The following BCHE variants were observed in gnomAD, a reference collection of about 807,000 sequenced individuals.
BCHE encodes the protein butyrylcholinesterase, also known as cholinesterase.
BCHE carries 48 observed loss-of-function variants against 51.3 expected under a neutral mutation model. The ratio of observed to expected loss-of-function variants is 0.94; its 90% CI spans 0.74 to 1.19. The LOEUF is 1.19. Among genes scored for constraint, BCHE ranks in the 50% most tolerant of loss-of-function variants. The pLI is 0.00. For missense variants in BCHE, 847 were observed against 708.2 expected (o/e 1.20, Z -2.23); for synonymous variants, 251 against 238.0 (o/e 1.05, Z -0.50).
chr3:165,795,524 A>G (rs1261448468), intron 2 of BCHE, among the ~76,000 whole-genome samples: 1 of 152,180 alleles, frequency 6.6e-6, no homozygotes, highest in Non-Finnish European at 1.5e-5. Context: ...ATTATATTTA[A>G]TGCAAATATC....
intron 1 of BCHE, among the ~76,000 whole-genome samples, chr3:165,832,381 C>G (rs573517702): frequency 1.7e-4 from 26 of 150,878 alleles, no homozygotes; most frequent in African/African-American, 6.1e-4. Context: ...CAACCTCTGC[C>G]TCCTGGGCTC....
chr3:165,814,473 A>T (rs1714228264), intron 2 of BCHE, among the ~76,000 whole-genome samples: 1 of 152,096 alleles, frequency 6.6e-6, no homozygotes, highest in South Asian at 2.1e-4. Context: ...TGCTCTTATG[A>T]TGTTAATCCT....
At position 165,788,556 on chromosome 3, in the gene BCHE, T is replaced by G. The variant is rs1713047390; in HGVS notation, c.1518-2245A>C. ...AGCTGTAGAAACTAACAAGTACAGC[T>G]GCTGGAGGCTGGATATTAAACCAGG... On this transcript the variant is annotated intron_variant, in intron 2 of 3. Transcript: ENST00000264381. Among the ~76,000 whole-genome samples, 3 of 152,248 alleles carry G rather than the reference T, an allele frequency of 2.0e-5. No homozygotes were observed. The South Asian group carries it at 6.2e-4, about 32-fold the overall frequency.
chr3:165,800,271 T>G lies in BCHE; in HGVS notation c.1518-13960A>C, dbSNP rs573490808. On this transcript the variant is annotated intron_variant, in intron 2 of 3. Coordinates refer to ENST00000264381, the MANE Select transcript of BCHE (RefSeq NM_000055.4). ...TGCACAAAGCTATTCTAACTTCTGTTTTTTCACTTTTAATAATGGAATATG... is the reference window on the plus strand; with the variant it reads ...TGCACAAAGCTATTCTAACTTCTGTGTTTTCACTTTTAATAATGGAATATG... 2.0e-5 allele frequency among the ~76,000 whole-genome samples: 3 copies of G among 152,234 alleles called. No individual in the cohort carries two copies. In the South Asian group the frequency reaches 6.2e-4, roughly 32 times the overall value.
chr3:165,831,405 T>G (rs1218222709), intron 1 of BCHE, among the ~76,000 whole-genome samples: 2 of 152,142 alleles, frequency 1.3e-5, no homozygotes, highest in Non-Finnish European at 2.9e-5. Context: ...TCTACCTACA[T>G]CAGATATAAT....
intron 2 of BCHE, among the ~76,000 whole-genome samples, chr3:165,810,755 G>T (rs1018658552): frequency 1.3e-5 from 2 of 152,088 alleles, no homozygotes; most frequent in Non-Finnish European, 2.9e-5. Flanking sequence ...AGTGTTTGAG[G>T]TAAGCTTGCT....
chr3:165,778,688 C>A (rs1162343157), intron 3 of BCHE: 1 of 453,852 alleles, frequency 2.2e-6, no homozygotes. Context: ...TTCATCTGTG[C>A]AGCTCTAGCT....
At chr3:165,809,924 T>C (rs1161602193) in intron 2 of BCHE, among the ~76,000 whole-genome samples, 1 of 152,178 alleles carries the variant, frequency 6.6e-6, no homozygotes, top group African/African-American at 2.4e-5. Flanking sequence ...TCACAGCTTA[T>C]GGGAAAATGC....
chr3:165,805,435 G>C (rs1255073407), intron 2 of BCHE, among the ~76,000 whole-genome samples: 1 of 152,158 alleles, frequency 6.6e-6, no homozygotes, highest in Non-Finnish European at 1.5e-5. Context: ...GTAGATTTCA[G>C]TATAGGTTAC....
chr3:165,830,672 A>C lies in BCHE; in HGVS notation c.362T>G (p.Leu121Ter), dbSNP rs531492019. ...NPNTDLSEDC[L>*]YLNVWIPAPK... ...TGCTGGAATCCATACATTTAGATAT[A>C]AACAGTCTTCACTGAGGTCAGTGTT... The change falls in exon 2 of 4, where the codon TTA becomes TGA. Residue 121 changes from leucine (L) to a stop codon, truncating the protein, a stop_gained. Coordinates refer to ENST00000264381, the MANE Select transcript of BCHE (RefSeq NM_000055.4). LOFTEE classifies it high-confidence loss of function. 1 of 1,614,044 alleles carries C rather than the reference A, an allele frequency of 6.2e-7. No individual in the cohort carries two copies.
At chr3:165,786,379 T>C (rs1686836204) in intron 2 of BCHE, 68 bp from the exon 3 acceptor site, 1 of 1,390,214 alleles carries the variant, frequency 7.2e-7, no homozygotes, top group African/African-American at 1.5e-5. Context: ...AATATTGTTT[T>C]CTAACACTGT....
rs540888984 is a variant in BCHE, at chr3:165,806,752, T to C, written c.1518-20441A>G. Reference sequence around the variant, plus strand: ...TCTTTATAATAATAATTATATAGTTTTTTAAATCTGCCTAAATAATAGCCA... The same window carrying C: ...TCTTTATAATAATAATTATATAGTTCTTTAAATCTGCCTAAATAATAGCCA... On this transcript the variant is annotated intron_variant, in intron 2 of 3. Coordinates refer to ENST00000264381, the MANE Select transcript of BCHE (RefSeq NM_000055.4). Among the ~76,000 whole-genome samples, 13 of 152,242 alleles carry C rather than the reference T, an allele frequency of 8.5e-5. No individual in the cohort carries two copies. The East Asian group carries it at 2.1e-3, about 25-fold the overall frequency.
At chr3:165,801,499 A>G (rs1349797559) in intron 2 of BCHE, among the ~76,000 whole-genome samples, 2 of 152,140 alleles carry the variant, frequency 1.3e-5, no homozygotes, top group Non-Finnish European at 2.9e-5. Context: ...TTTGCATTTT[A>G]TATAAATACA....
At chr3:165,800,389 A>G (rs1713590388) in intron 2 of BCHE, among the ~76,000 whole-genome samples, 2 of 152,130 alleles carry the variant, frequency 1.3e-5, no homozygotes, top group Non-Finnish European at 2.9e-5. Flanking sequence ...AGGCCCTACT[A>G]GAATTCCAGG....
chr3:165,788,014 A>T (rs1284774265), intron 2 of BCHE, among the ~76,000 whole-genome samples: 1 of 152,050 alleles, frequency 6.6e-6, no homozygotes, highest in African/African-American at 2.4e-5. Context: ...ACTCTGGTTG[A>T]AATTTTCTAA....
chr3:165,831,132 A>G, intron 1 of BCHE, 91 bp from the exon 2 acceptor site: 1 of 1,150,172 alleles, frequency 8.7e-7, no homozygotes, highest in South Asian at 1.4e-5. Flanking sequence ...TATAGTCGTT[A>G]GTAATTCTAC....
intron 2 of BCHE, among the ~76,000 whole-genome samples, chr3:165,796,304 T>C (rs1399112542): frequency 6.6e-6 from 1 of 152,088 alleles, no homozygotes; most frequent in Non-Finnish European, 1.5e-5. Flanking sequence ...GCCTCATAAG[T>C]AAGAAAGAAA....
At chr3:165,818,368 A>G (rs768261159) in intron 2 of BCHE, among the ~76,000 whole-genome samples, 2 of 152,106 alleles carry the variant, frequency 1.3e-5, no homozygotes, top group Admixed American at 6.6e-5. Context: ...CTTATATTTA[A>G]CTACTGTTTT....
intron 2 of BCHE, among the ~76,000 whole-genome samples, chr3:165,804,257 A>G (rs1356044696): frequency 6.6e-6 from 1 of 152,172 alleles, no homozygotes; most frequent in East Asian, 1.9e-4. Context: ...ATATAGAATG[A>G]GAGGATAAAA....
Sources: allele counts gnomAD v4.1 joint callset (sites outside exome capture counted in the v4.1 genomes callset), GRCh38; gene constraint gnomAD v4.1.1; transcripts MANE v1.5; gene names NCBI Gene and HGNC (gene_info 2026-07-23, HGNC 2026-07-21).